COX10: variants seen among roughly 807,000 people sequenced by gnomAD.
The protein encoded by COX10 is cytochrome c oxidase assembly factor heme A:farnesyltransferase COX10, also known as protoheme IX farnesyltransferase, mitochondrial.
COX10 carries 27 observed loss-of-function variants against 37.3 expected under a neutral mutation model. That is an observed-to-expected ratio of 0.72 (90% CI 0.53 to 1.00). The LOEUF is 1.00. Among genes scored for constraint, COX10 ranks in the 50% least tolerant of loss-of-function variants. The pLI is 0.00. For synonymous variants in COX10, 222 were observed against 229.1 expected (o/e 0.97, Z 0.28); for missense variants, 475 against 563.2 (o/e 0.84, Z 1.59).
At chr17:14,182,682 T>G (rs1372995399) in intron 5 of COX10, among the ~76,000 whole-genome samples, 1 of 152,148 alleles carries the variant, frequency 6.6e-6, no homozygotes, top group East Asian at 1.9e-4. Flanking sequence ...CATTTTCTTT[T>G]GTTTTTGAAG....
intron 5 of COX10, among the ~76,000 whole-genome samples, chr17:14,173,644 A>G (rs987910650): frequency 3.3e-5 from 5 of 152,250 alleles, no homozygotes; most frequent in Non-Finnish European, 7.3e-5. Context: ...GGACCAGACT[A>G]CACTGTGAGG....
intron 4 of COX10, among the ~76,000 whole-genome samples, chr17:14,104,554 T>G (rs1915851366): frequency 6.6e-6 from 1 of 152,168 alleles, no homozygotes; most frequent in South Asian, 2.1e-4. Context: ...GGTTGGTCTG[T>G]ATAAAAGTTC....
At chr17:14,173,682 CA>C (rs1368909035) in intron 5 of COX10, among the ~76,000 whole-genome samples, 1 of 152,154 alleles carries the variant, frequency 6.6e-6, no homozygotes. Context: ...GGACCTTGGT[CA>C]GTGTTGTTCT....
At chr17:14,153,964 T>G (rs538569148) in intron 4 of COX10, among the ~76,000 whole-genome samples, 3 of 152,354 alleles carry the variant, frequency 2.0e-5, no homozygotes, top group Non-Finnish European at 4.4e-5. Flanking sequence ...AATGAACTAT[T>G]GAAACCCTCT....
chr17:14,178,767 G>T (rs2142254300), intron 5 of COX10, among the ~76,000 whole-genome samples: 1 of 152,182 alleles, frequency 6.6e-6, no homozygotes, highest in African/African-American at 2.4e-5. Context: ...CTCAGCCTTA[G>T]CCCCTAGGTC....
chr17:14,200,980 A>G (rs971885224), intron 6 of COX10, among the ~76,000 whole-genome samples: 37 of 152,108 alleles, frequency 2.4e-4, no homozygotes, highest in African/African-American at 8.2e-4. Context: ...ATGGGCTGTA[A>G]TCCCTTTGTG....
At chr17:14,121,376 G>A (rs182357110) in intron 4 of COX10, among the ~76,000 whole-genome samples, 14 of 152,270 alleles carry the variant, frequency 9.2e-5, no homozygotes, top group African/African-American at 3.1e-4. Context: ...AATATCCTAC[G>A]CTGTTGCTGT....
Position 14,192,102 on chromosome 17 carries a change from A to T in COX10, c.809A>T (p.Tyr270Phe). ...CTGGGGCTCTTCAACATTTTCCTGT[A>T]TACCTGCTGCTACACACCACTGAAA... is the stretch of plus-strand genomic sequence containing the variant. ...GALGLFNIFL[Y>F]TCCYTPLKRI... Residue 270 changes from tyrosine (Y) to phenylalanine (F), a missense_variant, in exon 6 of 7, where the codon TAT (tyrosine) becomes TTT (phenylalanine). Coordinates refer to ENST00000261643, the MANE Select transcript of COX10 (RefSeq NM_001303.4). 6.2e-7 allele frequency: 1 copy of T among 1,614,230 alleles called. No homozygotes were observed. The highest frequency in any genetic ancestry group is 8.5e-7 in the Non-Finnish European group (1 of 1,180,040).
chr17:14,100,262 T>G (rs1567590936), intron 3 of COX10, among the ~76,000 whole-genome samples: 1 of 152,196 alleles, frequency 6.6e-6, no homozygotes, highest in East Asian at 1.9e-4. Flanking sequence ...GTCTGACATT[T>G]GCCACCTTTC....
chr17:14,136,881 T>C (rs1018845729), intron 4 of COX10, among the ~76,000 whole-genome samples: 2 of 152,108 alleles, frequency 1.3e-5, no homozygotes, highest in Non-Finnish European at 2.9e-5. Flanking sequence ...CATTTGACAT[T>C]GAAATCTTTT....
At chr17:14,180,400 G>A (rs1905822518) in intron 5 of COX10, among the ~76,000 whole-genome samples, 1 of 152,074 alleles carries the variant, frequency 6.6e-6, no homozygotes, top group Admixed American at 6.6e-5. Context: ...TATTAACCAT[G>A]GTATGAAGAG....
chr17:14,116,013 A>C (rs1480730999), intron 4 of COX10, among the ~76,000 whole-genome samples: 4 of 152,198 alleles, frequency 2.6e-5, no homozygotes, highest in African/African-American at 9.6e-5. Flanking sequence ...CCATACATTT[A>C]TTTTTAAAAA....
rs921017148 is a variant in COX10, at chr17:14,108,655, A to T, written c.624+6413A>T. On this transcript the variant is annotated intron_variant, in intron 4 of 6. Transcript: ENST00000261643. ...GTTTAATACTGACAATATTTGAGAG[A>T]CATTCATGGCTGAAATAAGGTAAAA... Among the ~76,000 whole-genome samples the T allele has an allele frequency of 6.0e-5, 7 of 116,594 alleles. No homozygotes were observed. The Admixed American group carries it at 6.8e-4, about 11-fold the overall frequency. The allele number at this position is 116,594 out of a possible 152,430, so 76.5% of individuals were successfully genotyped here. A position where few individuals can be genotyped will look rare whatever the true frequency, so the allele number is the denominator to read the frequency against.
chr17:14,152,579 A>G (rs982336874), intron 4 of COX10, among the ~76,000 whole-genome samples: 8 of 152,164 alleles, frequency 5.3e-5, no homozygotes, highest in African/African-American at 1.9e-4. Flanking sequence ...GAGTTAAGCA[A>G]TCTGTGAGGC....
At chr17:14,191,359 AC>A (rs1906196904) in intron 5 of COX10, among the ~76,000 whole-genome samples, 1 of 148,406 alleles carries the variant, frequency 6.7e-6, no homozygotes, top group Non-Finnish European at 1.5e-5. Context: ...CACAACAGCC[AC>A]CCGGTGTTTA....
At chr17:14,076,374 TG>T (rs1285937100) in intron 2 of COX10, among the ~76,000 whole-genome samples, 1 of 152,108 alleles carries the variant, frequency 6.6e-6, no homozygotes, top group East Asian at 1.9e-4. Flanking sequence ...TGTGCCTGGC[TG>T]GGCCCTTGAT....
In COX10 at chr17:14,069,529, G is replaced by A. The variant is rs1296178539; in HGVS notation, c.-77G>A. ...ACTACTCCCACAGGGGGGCGGGGAAGGAAGATGGCGGCGCCCAGCGTCCCG... is the reference window on the plus strand; with the variant it reads ...ACTACTCCCACAGGGGGGCGGGGAAAGAAGATGGCGGCGCCCAGCGTCCCG... On this transcript the variant is annotated 5_prime_UTR_variant, in exon 1 of 7. Transcript: ENST00000261643. The A allele has an allele frequency of 3.8e-6, 6 of 1,570,130 alleles. No homozygotes were observed. Among genetic ancestry groups the A allele is most frequent in the Admixed American group, 3.4e-5 (2 of 59,020 alleles).
chr17:14,146,847 A>G (rs1904734095), intron 4 of COX10, among the ~76,000 whole-genome samples: 1 of 152,190 alleles, frequency 6.6e-6, no homozygotes, highest in East Asian at 1.9e-4. Flanking sequence ...TTGAATAGAC[A>G]TTTCTCAAAA....
At chr17:14,117,319 T>C (rs1476576863) in intron 4 of COX10, among the ~76,000 whole-genome samples, 1 of 152,180 alleles carries the variant, frequency 6.6e-6, no homozygotes, top group Non-Finnish European at 1.5e-5. Flanking sequence ...TTGGGAAAGA[T>C]CATTAGAAAG....
Sources: allele counts gnomAD v4.1 joint callset (sites outside exome capture counted in the v4.1 genomes callset), GRCh38; gene constraint gnomAD v4.1.1; transcripts MANE v1.5; gene names NCBI Gene and HGNC (gene_info 2026-07-23, HGNC 2026-07-21).